GUCY1A2: variants seen among roughly 807,000 people sequenced by gnomAD.
GUCY1A2 encodes guanylate cyclase soluble subunit alpha-2.
A neutral mutation model predicts 63.5 loss-of-function variants in GUCY1A2; 27 were observed. That is an observed-to-expected ratio of 0.43 (90% CI 0.31 to 0.59). The LOEUF (loss-of-function observed/expected upper bound fraction) is 0.59, where lower values mean the gene tolerates loss of function less well. Among genes scored for constraint, GUCY1A2 ranks in the 20% least tolerant of loss-of-function variants. The pLI, the probability that GUCY1A2 is intolerant of heterozygous loss-of-function variation, is 0.11. For synonymous variants in GUCY1A2, 364 were observed against 343.5 expected, an observed-to-expected ratio of 1.06 and a Z score of -0.66; for missense variants, 768 against 913.3, an observed-to-expected ratio of 0.84 and a Z score of 2.05.
At chr11:106,704,613 A>G (rs557142276) in intron 7 of GUCY1A2, among the ~76,000 whole-genome samples, 1 of 152,332 alleles carries the variant, frequency 6.6e-6, no homozygotes, top group African/African-American at 2.4e-5. Context: ...AAGTAGATCA[A>G]TTGTAAAATG....
rs557144527 is a variant in GUCY1A2, at chr11:106,743,507, G to T, written c.1836+32932C>A. Among the ~76,000 whole-genome samples, 48 of 152,230 alleles carry T rather than the reference G, an allele frequency of 3.2e-4. 1 individual carries two copies. Among genetic ancestry groups the T allele is most frequent in the African/African-American group, 1.1e-3 (46 of 41,536 alleles). ...AAAATGTCACAAGTGCACTGATGTGGTTTCTGCCCAGCACCTGTCTCTCTT... is the reference window on the plus strand; with the variant it reads ...AAAATGTCACAAGTGCACTGATGTGTTTTCTGCCCAGCACCTGTCTCTCTT... On this transcript the variant is annotated intron_variant, in intron 6 of 7. Transcript: ENST00000526355.
At chr11:106,997,624 C>A (rs1176202273) in intron 1 of GUCY1A2, among the ~76,000 whole-genome samples, 18 of 140,154 alleles carry the variant, frequency 1.3e-4, no homozygotes, top group Non-Finnish European at 1.7e-4. Flanking sequence ...GGAACCCCCC[C>A]CCCCCACCCG....
intron 4 of GUCY1A2, among the ~76,000 whole-genome samples, chr11:106,862,481 T>TA (rs1474815555): frequency 3.2e-5 from 1 of 31,202 alleles, no homozygotes; most frequent in African/African-American, 1.2e-4. Context: ...TTTAACTCTG[T>TA]AAAAAACAAA....
intron 4 of GUCY1A2, among the ~76,000 whole-genome samples, chr11:106,860,245 C>T (rs1859491710): frequency 6.6e-6 from 1 of 150,684 alleles, no homozygotes; most frequent in South Asian, 2.1e-4. Context: ...ATAAACATTT[C>T]TCAAAACTAA....
chr11:106,708,980 T>G (rs894957917), intron 6 of GUCY1A2, among the ~76,000 whole-genome samples: 1 of 150,872 alleles, frequency 6.6e-6, no homozygotes, highest in Admixed American at 6.7e-5. Flanking sequence ...ATGGTCTAAC[T>G]TGAAAAGTAT....
At chr11:106,710,061 CATG>C (rs1473584750) in intron 6 of GUCY1A2, among the ~76,000 whole-genome samples, 8 of 69,116 alleles carry the variant, frequency 1.2e-4, no homozygotes, top group Non-Finnish European at 2.5e-4. Context: ...ATAATATATA[CATG>C]TATATAATAT....
chr11:106,975,475 C>T (rs1254976936), intron 3 of GUCY1A2, among the ~76,000 whole-genome samples: 1 of 151,988 alleles, frequency 6.6e-6, no homozygotes, highest in Non-Finnish European at 1.5e-5. Flanking sequence ...CATTATGTAC[C>T]AAATAAAGCA....
intron 6 of GUCY1A2, among the ~76,000 whole-genome samples, chr11:106,753,233 AT>A (rs1863914381): frequency 6.6e-6 from 1 of 152,030 alleles, no homozygotes; most frequent in Non-Finnish European, 1.5e-5. Flanking sequence ...TTTCTTGTAA[AT>A]TTGTTGAAGT....
At chr11:106,851,554 A>T (rs1859355387) in intron 4 of GUCY1A2, among the ~76,000 whole-genome samples, 1 of 151,876 alleles carries the variant, frequency 6.6e-6, no homozygotes, top group Admixed American at 6.6e-5. Context: ...GTCTACTTTC[A>T]TTCTTTTGCA....
intron 4 of GUCY1A2, among the ~76,000 whole-genome samples, chr11:106,924,229 C>A (rs1860488735): frequency 6.6e-6 from 1 of 152,156 alleles, no homozygotes; most frequent in South Asian, 2.1e-4. Flanking sequence ...TTAAATGTAA[C>A]ATTTTTTAAT....
intron 6 of GUCY1A2, among the ~76,000 whole-genome samples, chr11:106,736,539 T>C (rs1863592501): frequency 6.6e-6 from 1 of 152,184 alleles, no homozygotes; most frequent in Non-Finnish European, 1.5e-5. Flanking sequence ...CATAGCTCTG[T>C]AGTATAATTT....
intron 4 of GUCY1A2, among the ~76,000 whole-genome samples, chr11:106,816,778 G>A (rs1858838183): frequency 6.6e-6 from 1 of 151,388 alleles, no homozygotes; most frequent in Admixed American, 6.6e-5. Flanking sequence ...TATCACTATA[G>A]ATAATATAGA....
chr11:107,016,736 G>C (rs1220847816), intron 1 of GUCY1A2, among the ~76,000 whole-genome samples: 3 of 151,794 alleles, frequency 2.0e-5, no homozygotes, highest in Non-Finnish European at 4.4e-5. Context: ...AATAGCTAAT[G>C]TGAGAGAGAA....
At chr11:106,947,764 T>A (rs1180340018) in intron 3 of GUCY1A2, among the ~76,000 whole-genome samples, 2 of 151,764 alleles carry the variant, frequency 1.3e-5, no homozygotes, top group African/African-American at 4.8e-5. Flanking sequence ...CTTTTAGAAA[T>A]CAATAAAAAG....
At chr11:106,714,039 AACTCCAT>A (rs1863174130) in intron 6 of GUCY1A2, among the ~76,000 whole-genome samples, 1 of 151,710 alleles carries the variant, frequency 6.6e-6, no homozygotes, top group Non-Finnish European at 1.5e-5. Context: ...AAAAAAAACA[AACTCCAT>A]ACTCCATACC....
chr11:106,713,362 C>G (rs1158849552), intron 6 of GUCY1A2, among the ~76,000 whole-genome samples: 6 of 152,136 alleles, frequency 3.9e-5, no homozygotes, highest in African/African-American at 1.4e-4. Context: ...AAAACTTAAG[C>G]CTGTTTCTGA....
At chr11:106,767,982 T>C (rs1377978040) in intron 6 of GUCY1A2, among the ~76,000 whole-genome samples, 1 of 152,174 alleles carries the variant, frequency 6.6e-6, no homozygotes, top group African/African-American at 2.4e-5. Flanking sequence ...ATATGTAGCT[T>C]CTGCATTACA....
intron 4 of GUCY1A2, among the ~76,000 whole-genome samples, chr11:106,814,707 A>G (rs1035320851): frequency 6.6e-6 from 1 of 152,080 alleles, no homozygotes; most frequent in Admixed American, 6.6e-5. Context: ...AGATGAAAAT[A>G]GCACCACATA....
At chr11:106,789,592 G>C (rs1266522379) in intron 5 of GUCY1A2, among the ~76,000 whole-genome samples, 1 of 152,138 alleles carries the variant, frequency 6.6e-6, no homozygotes, top group Non-Finnish European at 1.5e-5. Context: ...ATTTATTGCA[G>C]TCTTCATAGT....
Sources: gnomAD v4.1 joint callset for allele counts (sites outside exome capture counted in the v4.1 genomes callset) on GRCh38, gnomAD v4.1.1 for gene constraint, MANE v1.5 for transcripts, NCBI Gene and HGNC (gene_info 2026-07-23, HGNC 2026-07-21) for gene names.